Variants in UMAD1 observed in about 807,000 individuals in gnomAD.
UMAD1 encodes the protein UBAP1-MVB12-associated (UMA) domain containing 1.
A neutral mutation model predicts 6.1 loss-of-function variants in UMAD1; 8 were observed. The observed-to-expected ratio is 1.30, with a 90% CI of 0.76 to 2.35. The LOEUF is 2.35. Among genes scored for constraint, UMAD1 ranks in the 30% most tolerant of loss-of-function variants. The pLI, the probability that UMAD1 is intolerant of heterozygous loss-of-function variation, is 0.00. For synonymous variants in UMAD1, 56 were observed against 31.4 expected (o/e 1.78, Z -2.61); for missense variants, 130 against 78.4 (o/e 1.66, Z -2.49).
intron 1 of UMAD1, among the ~76,000 whole-genome samples, chr7:7,649,924 C>T (rs1047361094): frequency 6.6e-5 from 10 of 152,170 alleles, no homozygotes; most frequent in Admixed American, 2.0e-4. Context: ...GTCTGTGAAC[C>T]AGAAAGTGGG....
chr7:7,662,231 C>T (rs186308295), intron 1 of UMAD1, among the ~76,000 whole-genome samples: 1 of 152,286 alleles, frequency 6.6e-6, no homozygotes, highest in African/African-American at 2.4e-5. Context: ...GCCAGTGGAT[C>T]TTAGCTTGCT....
At chr7:7,774,108 G>C (rs1016775809) in intron 2 of UMAD1, among the ~76,000 whole-genome samples, 1 of 152,110 alleles carries the variant, frequency 6.6e-6, no homozygotes, top group Non-Finnish European at 1.5e-5. Flanking sequence ...TGAGTCCTCA[G>C]GTGCACCAAA....
intron 3 of UMAD1, among the ~76,000 whole-genome samples, chr7:7,876,182 G>C (rs1162375309): frequency 6.6e-6 from 1 of 152,252 alleles, no homozygotes; most frequent in Non-Finnish European, 1.5e-5. Context: ...TCTGGGAGAA[G>C]AGCGTCCTGG....
At chr7:7,832,498 G>A (rs527327010) in intron 3 of UMAD1, among the ~76,000 whole-genome samples, 51 of 152,114 alleles carry the variant, frequency 3.4e-4, no homozygotes, top group South Asian at 4.2e-4. Context: ...CTACTTATAC[G>A]GAAAAGTAGG....
At chr7:7,827,145 A>ATGTGTGTGTGTG (rs1162912790) in intron 3 of UMAD1, among the ~76,000 whole-genome samples, 14 of 135,348 alleles carry the variant, frequency 1.0e-4, no homozygotes, top group African/African-American at 4.0e-4. Flanking sequence ...ATATATATAT[A>ATGTGTGTGTGTG]TATGTGTGTG....
intron 2 of UMAD1, among the ~76,000 whole-genome samples, chr7:7,717,234 T>C (rs1215677234): frequency 2.0e-5 from 3 of 151,908 alleles, no homozygotes; most frequent in Non-Finnish European, 4.4e-5. Flanking sequence ...TTTTCGTATT[T>C]TTGGTAGAGA....
intron 2 of UMAD1, among the ~76,000 whole-genome samples, chr7:7,695,056 CCTTT>C (rs1422427553): frequency 6.6e-6 from 1 of 152,148 alleles, no homozygotes; most frequent in Non-Finnish European, 1.5e-5. Context: ...TTTGTCATTA[CCTTT>C]CTTTTGGATA....
chr7:7,643,310 G>C (rs752722449), intron 1 of UMAD1, among the ~76,000 whole-genome samples: 5 of 152,182 alleles, frequency 3.3e-5, no homozygotes, highest in Non-Finnish European at 5.9e-5. Flanking sequence ...TCAGATGGGC[G>C]TGCATGTAAC....
chr7:7,788,550 G>A (rs1327146816), intron 2 of UMAD1, among the ~76,000 whole-genome samples: 2 of 152,146 alleles, frequency 1.3e-5, no homozygotes, highest in Non-Finnish European at 2.9e-5. Flanking sequence ...TGAGGTCAGA[G>A]TTTTCAAGCT....
intron 2 of UMAD1, among the ~76,000 whole-genome samples, chr7:7,683,330 T>C (rs1167834238): frequency 6.6e-6 from 1 of 152,126 alleles, no homozygotes; most frequent in Non-Finnish European, 1.5e-5. Context: ...GCCCAGGAAT[T>C]GATTTTTTCC....
At chr7:7,724,615 G>T (rs1583776806) in intron 2 of UMAD1, among the ~76,000 whole-genome samples, 1 of 152,220 alleles carries the variant, frequency 6.6e-6, no homozygotes, top group Non-Finnish European at 1.5e-5. Context: ...TCCCCACTCA[G>T]CTCTCCTGTT....
chr7:7,676,946 C>A (rs1018881771), intron 2 of UMAD1, among the ~76,000 whole-genome samples: 1 of 152,006 alleles, frequency 6.6e-6, no homozygotes, highest in Non-Finnish European at 1.5e-5. Context: ...TTATATCATT[C>A]TATACTGACA....
intron 2 of UMAD1, among the ~76,000 whole-genome samples, chr7:7,786,299 A>G (rs893501077): frequency 1.3e-5 from 2 of 152,178 alleles, no homozygotes; most frequent in African/African-American, 2.4e-5. Context: ...CAAGCTAATT[A>G]TTTTGTAAAA....
chr7:7,703,058 A>G (rs1482137213), intron 2 of UMAD1, among the ~76,000 whole-genome samples: 1 of 152,212 alleles, frequency 6.6e-6, no homozygotes, highest in Non-Finnish European at 1.5e-5. Flanking sequence ...TTAGTACTAC[A>G]CTGAGTTTAC....
chr7:7,848,359 A>G (rs559792525), intron 3 of UMAD1, among the ~76,000 whole-genome samples: 1 of 152,272 alleles, frequency 6.6e-6, no homozygotes, highest in East Asian at 1.9e-4. Context: ...TTGCTGTGAA[A>G]TTGGTAATTG....
chr7:7,860,602 T>TAAAAAA (rs1784096318), intron 3 of UMAD1, among the ~76,000 whole-genome samples: 2 of 18,268 alleles, frequency 1.1e-4, no homozygotes, highest in Non-Finnish European at 2.5e-4. Context: ...CTACTAAAAA[T>TAAAAAA]ACAAAAAAAA....
intron 3 of UMAD1, among the ~76,000 whole-genome samples, chr7:7,820,684 T>G (rs1783225038): frequency 6.6e-6 from 1 of 152,150 alleles, no homozygotes; most frequent in Non-Finnish European, 1.5e-5. Context: ...AGCCTGGAAT[T>G]TAGTGTATTT....
chr7:7,795,280 C>CT (rs1279861937), intron 2 of UMAD1, among the ~76,000 whole-genome samples: 2 of 152,348 alleles, frequency 1.3e-5, no homozygotes, highest in Non-Finnish European at 2.9e-5. Context: ...CAGAGCTTGG[C>CT]TTTTTTGTCA....
chr7:7,649,213 T>G (rs1342015364), intron 1 of UMAD1, among the ~76,000 whole-genome samples: 2 of 149,516 alleles, frequency 1.3e-5, no homozygotes, highest in Non-Finnish European at 3.0e-5. Flanking sequence ...AAGGAAATGA[T>G]GTCTTATAGT....
Sources: allele counts gnomAD v4.1 joint callset (sites outside exome capture counted in the v4.1 genomes callset), GRCh38; gene constraint gnomAD v4.1.1; transcripts MANE v1.5; gene names NCBI Gene and HGNC (gene_info 2026-07-23, HGNC 2026-07-21).